The following MCF2 variants were observed in gnomAD, a reference collection of about 807,000 sequenced individuals.
MCF2 encodes proto-oncogene DBL.
A neutral mutation model predicts 82.5 loss-of-function variants in MCF2; 44 were observed. That is an observed-to-expected ratio of 0.53 (90% CI 0.42 to 0.69). MCF2 has a LOEUF of 0.69. Among genes scored for constraint, MCF2 ranks in the 30% least tolerant of loss-of-function variants. MCF2 has a pLI of 0.00. For missense variants in MCF2, 623 were observed against 663.1 expected (o/e 0.94, Z 0.66); for synonymous variants, 217 against 224.9 (o/e 0.96, Z 0.32).
At chrX:139,610,160 TGCA>T in intron 11 of MCF2, 138 bp downstream of exon 15, 1 of 416,618 alleles carries the variant, frequency 2.4e-6, no homozygotes, top group Non-Finnish European at 4.1e-6. Context: ...TGAAACACAA[TGCA>T]GCAGCAGCTT....
At chrX:139,624,530 T>C (rs1452881200) in intron 6 of MCF2, among the ~76,000 whole-genome samples, 2 of 88,859 alleles carry the variant, frequency 2.3e-5, no homozygotes, top group Non-Finnish European at 2.2e-5. Flanking sequence ...CAGAACTGTC[T>C]CAAAAAAAAA....
At chrX:139,627,973 A>G (rs997422928) in intron 4 of MCF2, among the ~76,000 whole-genome samples, 2 of 112,022 alleles carry the variant, frequency 1.8e-5, no homozygotes, top group Non-Finnish European at 3.8e-5. Context: ...AAGACAAAAA[A>G]TAACAGATGC....
chrX:139,692,229 G>T, intron 1 of MCF2: 1 of 631,048 alleles, frequency 1.6e-6, no homozygotes, highest in Non-Finnish European at 2.4e-6. Context: ...GCCAGCAGCT[G>T]CCCAGCTCTG....
At chrX:139,701,741 A>T (rs1569407626) in intron 1 of MCF2, among the ~76,000 whole-genome samples, 1 of 112,648 alleles carries the variant, frequency 8.9e-6, no homozygotes, top group Non-Finnish European at 1.9e-5. Flanking sequence ...TATAATACAC[A>T]ATTTAAAAAT....
chrX:139,605,158 T>A (rs1182305221), intron 13 of MCF2, among the ~76,000 whole-genome samples, 174 bp from the exon 18 acceptor site: 1 of 29,252 alleles, frequency 3.4e-5, no homozygotes, highest in African/African-American at 2.1e-4. Flanking sequence ...ATCCATGACT[T>A]TTTTTTTTTT....
chrX:139,648,094 G>A (rs1379919678), intron 2 of MCF2, among the ~76,000 whole-genome samples: 3 of 111,571 alleles, frequency 2.7e-5, no homozygotes, highest in Non-Finnish European at 5.6e-5. Flanking sequence ...GATACAGGCC[G>A]GGCACAGTGG....
intron 6 of MCF2, among the ~76,000 whole-genome samples, chrX:139,622,623 C>T (rs772410392): frequency 1.8e-5 from 2 of 109,578 alleles, no homozygotes; most frequent in East Asian, 2.9e-4. Flanking sequence ...AGCAAACTAT[C>T]GCAAGGACAA....
chrX:139,613,618 G>GA (rs1379001618), intron 10 of MCF2, among the ~76,000 whole-genome samples: 1 of 111,385 alleles, frequency 9.0e-6, no homozygotes, highest in African/African-American at 3.3e-5. Flanking sequence ...GAGGCTAAGT[G>GA]AACTGTTCAA....
At chrX:139,672,443 C>G (rs1934728485) in intron 1 of MCF2, among the ~76,000 whole-genome samples, 1 of 112,443 alleles carries the variant, frequency 8.9e-6, no homozygotes, top group Non-Finnish European at 1.9e-5. Context: ...ATGACATTGG[C>G]TGTGGGTTTA....
intron 11 of MCF2, among the ~76,000 whole-genome samples, chrX:139,610,050 T>C (rs1311453141): frequency 2.7e-5 from 3 of 112,348 alleles, no homozygotes; most frequent in East Asian, 2.8e-4. Flanking sequence ...CTGGAACATA[T>C]ACAAGATGTT....
chrX:139,590,116 G>T (rs979281598), intron 19 of MCF2, among the ~76,000 whole-genome samples, 189 bp from the exon 24 acceptor site: 3 of 111,249 alleles, frequency 2.7e-5, no homozygotes, highest in Non-Finnish European at 5.7e-5. Context: ...ATTGAACTAT[G>T]CACTTTATAG....
chrX:139,693,324 T>C (rs1196052039), intron 1 of MCF2, among the ~76,000 whole-genome samples: 4 of 111,910 alleles, frequency 3.6e-5, no homozygotes, highest in Admixed American at 9.5e-5. Context: ...ATCCCACTTT[T>C]TTCTTTAATA....
intron 1 of MCF2, among the ~76,000 whole-genome samples, chrX:139,634,805 T>C (rs183349656): frequency 1.3e-4 from 15 of 111,571 alleles, no homozygotes; most frequent in Non-Finnish European, 2.6e-4. Flanking sequence ...TGATTAGAAG[T>C]ATGATTAGGG....
chrX:139,590,724 A>C (rs1055254945), intron 19 of MCF2, among the ~76,000 whole-genome samples: 3 of 110,300 alleles, frequency 2.7e-5, no homozygotes, highest in Non-Finnish European at 5.7e-5. Context: ...CTTTTCTTTC[A>C]ATTCTTAACC....
At chrX:139,676,986 TC>T (rs1397044612) in intron 1 of MCF2, among the ~76,000 whole-genome samples, 1 of 111,302 alleles carries the variant, frequency 9.0e-6, no homozygotes, top group Non-Finnish European at 1.9e-5. Context: ...AAAGGCCATC[TC>T]CCAATAAACA....
At chrX:139,611,670 GCA>G (rs1174088518) in intron 10 of MCF2, among the ~76,000 whole-genome samples, 2 of 111,933 alleles carry the variant, frequency 1.8e-5, no homozygotes, top group South Asian at 3.7e-4. Context: ...AAGATGAACT[GCA>G]CACAGTTTCT....
intron 10 of MCF2, among the ~76,000 whole-genome samples, chrX:139,614,212 C>T (rs1202106052): frequency 1.8e-5 from 2 of 111,282 alleles, no homozygotes; most frequent in East Asian, 5.7e-4. Context: ...TTATTATTTC[C>T]ATAGAACTTA....
chrX:139,696,598 AT>A (rs962203942), intron 1 of MCF2, among the ~76,000 whole-genome samples: 1,628 of 104,528 alleles, frequency 0.016, 41 homozygotes, highest in African/African-American at 0.052. Flanking sequence ...TAATTTTTCT[AT>A]TTTTTTTTTA....
Position 139,698,721 on chromosome X carries a change from G to A in MCF2, c.-45+9385C>T, listed in dbSNP as rs746565923. Among the ~76,000 whole-genome samples the A allele has an allele frequency of 7.2e-5, 8 of 111,689 alleles. No individual in the cohort carries two copies. In the East Asian group the frequency reaches 2.0e-3, roughly 27 times the overall value. On this transcript the variant is annotated intron_variant, in intron 1 of 27. Coordinates refer to the MCF2 transcript ENST00000414978. ...TCAAAAATATATATTCTTAGGCAAC[G>A]ATGACCAATAAGAAATGTACAAAGA...
Sources: allele counts gnomAD v4.1 joint callset (sites outside exome capture counted in the v4.1 genomes callset), GRCh38; gene constraint gnomAD v4.1.1; transcripts MANE v1.5; gene names NCBI Gene and HGNC (gene_info 2026-07-23, HGNC 2026-07-21).